ZRANB1: variants seen among roughly 807,000 people sequenced by gnomAD.
The protein encoded by ZRANB1 is ubiquitin thioesterase ZRANB1.
A neutral mutation model predicts 80.5 loss-of-function variants in ZRANB1; 16 were observed. That is an observed-to-expected ratio of 0.20 (90% CI 0.13 to 0.30). The LOEUF is 0.30. Among genes scored for constraint, ZRANB1 ranks in the 10% least tolerant of loss-of-function variants. ZRANB1 has a pLI of 1.00. For synonymous variants in ZRANB1, 291 were observed against 293.1 expected (o/e 0.99, Z 0.07); for missense variants, 576 against 862.6 (o/e 0.67, Z 4.16).
At chr10:124,924,951 A>G in the ZRANB1 span, among the ~76,000 whole-genome samples, 1 of 149,426 alleles carries the variant, frequency 6.7e-6, no homozygotes, top group Non-Finnish European at 1.5e-5. Context: ...TTGTCTGCCC[A>G]GGCTGGAGTG....
chr10:124,960,863 G>A (rs1951727602), intron 1 of ZRANB1, among the ~76,000 whole-genome samples: 1 of 152,172 alleles, frequency 6.6e-6, no homozygotes, highest in Non-Finnish European at 1.5e-5. Context: ...AGGGTAACTT[G>A]GCAGTGTGGC....
intron 2 of ZRANB1, among the ~76,000 whole-genome samples, chr10:124,968,322 T>G (rs1450160648): frequency 6.6e-6 from 1 of 152,210 alleles, no homozygotes; most frequent in African/African-American, 2.4e-5. Flanking sequence ...TATTCAAATT[T>G]GCCAATATTT....
rs751231871 is a variant in ZRANB1, at chr10:124,943,350, GGTA to G, written c.814+47_814+49del. On this transcript the variant is annotated intron_variant, in intron 1 of 8. Coordinates refer to ENST00000359653, the MANE Select transcript of ZRANB1 (RefSeq NM_017580.3). ...GCATTTTTTGCGTGGGATGGGAAAA[GGTA>G]GTAAAAATGATATGAAAAGAGCTGG... 3 of 1,561,198 alleles carry G rather than the reference GGTA, an allele frequency of 1.9e-6. No homozygotes were observed. The African/African-American group carries it at 4.1e-5, about 21-fold the overall frequency.
chr10:124,923,358 C>T, the ZRANB1 span, among the ~76,000 whole-genome samples: 1 of 150,560 alleles, frequency 6.6e-6, no homozygotes, highest in African/African-American at 2.5e-5. Flanking sequence ...CTTTGGGAGG[C>T]CAAGGCAGGT....
chr10:124,979,784 A>G (rs113040643), intron 5 of ZRANB1, among the ~76,000 whole-genome samples: 1 of 152,190 alleles, frequency 6.6e-6, no homozygotes, highest in African/African-American at 2.4e-5. Flanking sequence ...AACCCTTTCT[A>G]CATTCTATTG....
At chr10:124,920,672 G>T in the ZRANB1 span, among the ~76,000 whole-genome samples, 1 of 152,034 alleles carries the variant, frequency 6.6e-6, no homozygotes. Context: ...GCCAAGAGAG[G>T]TCCTGTCTCT....
At chr10:124,940,423 C>G (rs552522773), upstream of ZRANB1, 9 of 1,051,444 alleles carry the variant, frequency 8.6e-6, no homozygotes, top group Non-Finnish European at 1.0e-5. Context: ...TGCAGTATCT[C>G]CTGAGGAAGT....
chr10:124,920,744 CTTTCT>C, the ZRANB1 span, among the ~76,000 whole-genome samples: 3 of 152,134 alleles, frequency 2.0e-5, no homozygotes, highest in Non-Finnish European at 4.4e-5. Flanking sequence ...TTGCGTGAGA[CTTTCT>C]TTTCTTAGAA....
intron 1 of ZRANB1, among the ~76,000 whole-genome samples, chr10:124,950,682 A>G (rs1421006662): frequency 6.6e-6 from 1 of 152,112 alleles, no homozygotes; most frequent in Non-Finnish European, 1.5e-5. Context: ...ATATTTCCAC[A>G]GTTTCTGGAT....
At chr10:124,963,557 T>TTG (rs1951753357) in intron 1 of ZRANB1, among the ~76,000 whole-genome samples, 3 of 112,036 alleles carry the variant, frequency 2.7e-5, no homozygotes, top group Admixed American at 2.0e-4. Flanking sequence ...TTTGTTTGTT[T>TTG]TTTTTTTTTT....
In ZRANB1 at chr10:124,986,559, G is replaced by GA. The variant is rs1952049297; in HGVS notation, c.*1572dup. 1 of 152,088 alleles carries GA rather than the reference G, an allele frequency of 6.6e-6. No individual in the cohort carries two copies. Among genetic ancestry groups the GA allele is most frequent in the African/African-American group, 2.4e-5 (1 of 41,400 alleles). The allele number at this position is 152,088 out of a possible 1,614,324, so 9.4% of individuals were successfully genotyped here. A position where few individuals can be genotyped will look rare whatever the true frequency, so the allele number is the denominator to read the frequency against. On this transcript the variant is annotated 3_prime_UTR_variant, in exon 9 of 9. Transcript: ENST00000359653. ...TTTTGCTGCATGCTAAATCTTGCAG[G>GA]AAAAATGATTTTTTAGTACGATTCT...
chr10:124,924,003 C>G, the ZRANB1 span, among the ~76,000 whole-genome samples: 1 of 150,012 alleles, frequency 6.7e-6, no homozygotes, highest in Non-Finnish European at 1.5e-5. Context: ...GTCCCTCTCA[C>G]TCCTGAACTC....
At chr10:124,960,337 C>T (rs1194702132) in intron 1 of ZRANB1, among the ~76,000 whole-genome samples, 7 of 152,254 alleles carry the variant, frequency 4.6e-5, no homozygotes, top group Non-Finnish European at 8.8e-5. Context: ...ATTCTGTCTA[C>T]TTTTGTCTAG....
At position 124,986,279 on chromosome 10, in the gene ZRANB1, ACGCGCGCG is replaced by A. The variant is rs72416239; in HGVS notation, c.*1293_*1300del. On this transcript the variant is annotated 3_prime_UTR_variant, in exon 9 of 9. Transcript: ENST00000359653. ...AGGAATTTGGAAAGACGACACACGC[ACGCGCGCG>A]CGCGCACACACACACACACACACAC... The A allele has an allele frequency of 0.025, 2,836 of 112,228 alleles. 34 individuals are homozygous for A. The highest frequency in any genetic ancestry group is 0.045 in the Middle Eastern group (10 of 222). The allele number at this position is 112,228 out of a possible 1,614,324, so 7.0% of individuals were successfully genotyped here.
chr10:124,983,445 C>T lies in ZRANB1; in HGVS notation c.1679-14C>T, dbSNP rs751927224. ...TTCCTGTGACTGTTGGGATTTTCTT[C>T]CCTCTCTTTCCAGGTGTTTATCTGC... is the stretch of plus-strand genomic sequence containing the variant. On this transcript the variant is annotated splice_polypyrimidine_tract_variant and intron_variant, in intron 7 of 8. Transcript: ENST00000359653. This position sits in a 1 kb window ranked among gnomAD's most constrained non-coding sequence, Gnocchi z 6.2. 11 of 1,602,514 alleles carry T rather than the reference C, an allele frequency of 6.9e-6. No individual in the cohort carries two copies. In the South Asian group the frequency reaches 1.1e-4, roughly 16 times the overall value.
At chr10:124,924,920 T>C in the ZRANB1 span, among the ~76,000 whole-genome samples, 3 of 151,980 alleles carry the variant, frequency 2.0e-5, no homozygotes, top group Non-Finnish European at 4.4e-5. Flanking sequence ...GTTTTTTTTT[T>C]TTTTGAGACA....
chr10:124,968,401 AG>A (rs1335999077), intron 2 of ZRANB1, among the ~76,000 whole-genome samples: 1 of 152,216 alleles, frequency 6.6e-6, no homozygotes, highest in Non-Finnish European at 1.5e-5. Flanking sequence ...TGATTGTAGT[AG>A]CTAACCCCTG....
At chr10:124,971,636 A>G (rs750519789) in intron 2 of ZRANB1, among the ~76,000 whole-genome samples, 1 of 152,214 alleles carries the variant, frequency 6.6e-6, no homozygotes, top group Non-Finnish European at 1.5e-5. Context: ...TGGTTAGTCT[A>G]CTGAGGTTTT....
chr10:124,983,238 A>G lies in ZRANB1; in HGVS notation c.1612A>G (p.Ile538Val). ...GGCACATATTCTTAGACGACCAATT[A>G]TAGTTTATGGAGTAAAATATTACAA... ...VLAHILRRPI[I>V]VYGVKYYKSF... The change falls in exon 7 of 9, where the codon ATA becomes GTA. Residue 538 changes from isoleucine to valine, a missense_variant. Ile to Val is a conservative substitution (Grantham distance 29). This residue lies in a region of ZRANB1 where 152 missense variants were observed against 221.9 expected (regional missense o/e 0.69). Transcript: ENST00000359653. The surrounding 1 kb of genome is among the most constrained non-coding windows in gnomAD (Gnocchi z 6.2). 1.9e-6 allele frequency: 3 copies of G among 1,614,178 alleles called. No individual in the cohort carries two copies. Among genetic ancestry groups the G allele is most frequent in the Non-Finnish European group, 1.7e-6 (2 of 1,180,022 alleles).
Sources: allele counts gnomAD v4.1 joint callset (sites outside exome capture counted in the v4.1 genomes callset), GRCh38; gene constraint gnomAD v4.1.1; regional missense constraint gnomAD v4.1.1; non-coding constraint Gnocchi (gnomAD v3.1); transcripts MANE v1.5; gene names NCBI Gene and HGNC (gene_info 2026-07-23, HGNC 2026-07-21).